Variants in RNF180 observed in about 807,000 individuals in gnomAD.
RNF180 encodes the protein E3 ubiquitin-protein ligase RNF180.
A neutral mutation model predicts 59.2 loss-of-function variants in RNF180; 38 were observed. The observed-to-expected ratio is 0.64, with a 90% confidence interval of 0.50 to 0.84. The LOEUF is 0.84. RNF180 is among the 40% of genes least tolerant of loss of function. The pLI is 0.00. For synonymous variants in RNF180, 262 were observed against 240.3 expected (o/e 1.09, Z -0.84); for missense variants, 705 against 700.9 (o/e 1.01, Z -0.07).
chr5:64,228,659 C>T (rs1276929063), intron 5 of RNF180, among the ~76,000 whole-genome samples: 2 of 151,950 alleles, frequency 1.3e-5, no homozygotes, highest in African/African-American at 4.8e-5. Context: ...TTTTATGTCT[C>T]CAGTATTTTG....
chr5:64,361,365 T>A (rs1746247304), intron 7 of RNF180, among the ~76,000 whole-genome samples: 1 of 151,510 alleles, frequency 6.6e-6, no homozygotes, highest in African/African-American at 2.4e-5. Context: ...TATTCAACAG[T>A]AGAAAAATTC....
chr5:64,332,317 C>A lies in RNF180; in HGVS notation c.1579+1911C>A, dbSNP rs192628115. Among the ~76,000 whole-genome samples the A allele has an allele frequency of 1.1e-4, 16 of 152,346 alleles. No individual in the cohort carries two copies. The East Asian group carries it at 3.1e-3, about 29-fold the overall frequency. On this transcript the variant is annotated intron_variant, in intron 7 of 7. Transcript: ENST00000389100. ...AGATTCCTAATAATGCGTTCATTAG[C>A]AGAAGCTCTATTTATTTAGTTTTAA...
intron 7 of RNF180, among the ~76,000 whole-genome samples, chr5:64,331,911 G>A (rs1248075559): frequency 4.6e-5 from 7 of 151,936 alleles, no homozygotes; most frequent in Non-Finnish European, 7.4e-5. Context: ...CATTTACCTC[G>A]TCCTGACTCG....
intron 1 of RNF180, among the ~76,000 whole-genome samples, chr5:64,198,417 A>G (rs1751562734): frequency 6.6e-6 from 1 of 152,238 alleles, no homozygotes; most frequent in Non-Finnish European, 1.5e-5. Context: ...GAACAAGACC[A>G]AAACTAGATC....
chr5:64,223,980 A>G (rs971872244), intron 5 of RNF180, among the ~76,000 whole-genome samples: 2 of 152,094 alleles, frequency 1.3e-5, no homozygotes, highest in Non-Finnish European at 2.9e-5. Context: ...AGACCTTGAG[A>G]TGCAACTGCG....
In RNF180 at chr5:64,330,357, T is replaced by C. The variant is rs781584999; in HGVS notation, c.1530T>C (p.Ser510=). 6.5e-5 allele frequency: 100 copies of C among 1,546,208 alleles called. No individual in the cohort carries two copies. Among genetic ancestry groups the C allele is most frequent in the Non-Finnish European group, 8.6e-5 (99 of 1,145,428 alleles). ...KIKQSFQKSN[S]AKWPLPSCRK... ...AACAAAGCTTTCAGAAATCCAACTC[T>C]GCAAAATGGCCCCTACCAAGCTGCA... Residue 510 remains serine, a synonymous_variant, in exon 7 of 8, where the codon TCT becomes TCC. Coordinates refer to ENST00000389100, the MANE Select transcript of RNF180 (RefSeq NM_001113561.2).
intron 5 of RNF180, among the ~76,000 whole-genome samples, chr5:64,323,916 T>G (rs1017704332): frequency 5.9e-5 from 9 of 152,302 alleles, no homozygotes; most frequent in African/African-American, 2.2e-4. Context: ...TCATTTATTT[T>G]GCTTAAAGTC....
chr5:64,251,541 G>C (rs892766417), intron 5 of RNF180, among the ~76,000 whole-genome samples: 3 of 152,258 alleles, frequency 2.0e-5, no homozygotes, highest in South Asian at 2.1e-4. Flanking sequence ...TCCTGCCTCA[G>C]CCTTCTGAGT....
chr5:64,228,233 G>T (rs1741891619), intron 5 of RNF180, among the ~76,000 whole-genome samples: 1 of 152,160 alleles, frequency 6.6e-6, no homozygotes, highest in Admixed American at 6.5e-5. Context: ...GGCCAAATTT[G>T]GTCAGGCACG....
intron 1 of RNF180, among the ~76,000 whole-genome samples, chr5:64,182,156 A>G (rs1052021047): frequency 1.1e-4 from 16 of 151,874 alleles, no homozygotes; most frequent in African/African-American, 3.4e-4. Context: ...ACGCCTGGCT[A>G]ATTTTTTTGT....
At chr5:64,359,819 G>A (rs1413748977) in intron 7 of RNF180, among the ~76,000 whole-genome samples, 7 of 152,022 alleles carry the variant, frequency 4.6e-5, no homozygotes, top group Non-Finnish European at 7.4e-5. Context: ...TGTATAAGGT[G>A]TAAGGAAGGG....
rs772494115 is a variant in RNF180, at chr5:64,216,125, TTTGA to T, written c.1192-1232_1192-1229del. ...AGTGACATGGCAGGATCCTACAGAG[TTTGA>T]TTGGTAGCACAGAAGCTACAGGCAA... On this transcript the variant is annotated intron_variant, in intron 4 of 7. Coordinates refer to ENST00000389100, the MANE Select transcript of RNF180 (RefSeq NM_001113561.2). Among the ~76,000 whole-genome samples the T allele has an allele frequency of 2.0e-5, 3 of 151,504 alleles. No individual in the cohort carries two copies. The South Asian group carries it at 6.3e-4, about 32-fold the overall frequency.
chr5:64,351,439 T>C (rs1434585628), intron 7 of RNF180, among the ~76,000 whole-genome samples: 1 of 152,158 alleles, frequency 6.6e-6, no homozygotes, highest in Non-Finnish European at 1.5e-5. Context: ...TCCAACCCTA[T>C]GTTGAATAGG....
chr5:64,368,797 AAGTC>A (rs1746545260), intron 7 of RNF180, among the ~76,000 whole-genome samples: 1 of 152,000 alleles, frequency 6.6e-6, no homozygotes, highest in Admixed American at 6.6e-5. Flanking sequence ...AGTCATTAAA[AAGTC>A]AGGAAACAAC....
chr5:64,257,235 C>G (rs1294323534), intron 5 of RNF180, among the ~76,000 whole-genome samples: 1 of 152,304 alleles, frequency 6.6e-6, no homozygotes, highest in East Asian at 1.9e-4. Flanking sequence ...ACTTCCAACA[C>G]TACGTTGAAT....
chr5:64,305,797 T>A (rs1056637967), intron 5 of RNF180, among the ~76,000 whole-genome samples: 1 of 151,516 alleles, frequency 6.6e-6, no homozygotes, highest in African/African-American at 2.4e-5. Flanking sequence ...CTGCTCTGAT[T>A]TAGTGACTTC....
intron 1 of RNF180, among the ~76,000 whole-genome samples, chr5:64,189,115 A>G (rs2111990165): frequency 6.6e-6 from 1 of 152,172 alleles, no homozygotes; most frequent in East Asian, 1.9e-4. Context: ...AAACCCTGCC[A>G]ATACCTTGAT....
At chr5:64,237,823 G>C (rs1005817399) in intron 5 of RNF180, among the ~76,000 whole-genome samples, 1 of 150,922 alleles carries the variant, frequency 6.6e-6, no homozygotes, top group African/African-American at 2.4e-5. Context: ...CTCTCTCTCT[G>C]TCTCTCTCTC....
chr5:64,351,344 T>A (rs986146578), intron 7 of RNF180, among the ~76,000 whole-genome samples: 15 of 152,184 alleles, frequency 9.9e-5, no homozygotes, highest in Non-Finnish European at 2.2e-4. Flanking sequence ...TCATGTCATC[T>A]GCAAACAGGG....
Sources: allele counts gnomAD v4.1 joint callset (sites outside exome capture counted in the v4.1 genomes callset), GRCh38; gene constraint gnomAD v4.1.1; transcripts MANE v1.5; gene names NCBI Gene and HGNC (gene_info 2026-07-23, HGNC 2026-07-21).